Variants in GALNS observed in about 807,000 individuals in gnomAD.
GALNS encodes the protein galactosamine (N-acetyl)-6-sulfatase.
In GALNS, 65 loss-of-function variants were observed where a neutral mutation model predicts 65.9. The observed-to-expected ratio is 0.99, with a 90% CI of 0.81 to 1.21. The LOEUF (loss-of-function observed/expected upper bound fraction) is 1.21, where lower values mean the gene tolerates loss of function less well. Among genes scored for constraint, GALNS ranks in the 50% most tolerant of loss-of-function variants. The pLI is 0.00. For missense variants in GALNS, 776 were observed against 700.7 expected (o/e 1.11, Z -1.21); for synonymous variants, 346 against 288.9 (o/e 1.20, Z -2.00).
rs1181619132 is a variant in GALNS, at chr16:88,833,016, TAC to T, written c.899-917_899-916del. ...TTGCTGGAGCCCAGGAGGTCAAGGCTACAGTGAGCTGAGATCGCGCCACTGCA... is the reference window on the plus strand; with the variant it reads ...TTGCTGGAGCCCAGGAGGTCAAGGCTAGTGAGCTGAGATCGCGCCACTGCA... On this transcript the variant is annotated intron_variant, in intron 8 of 13. Coordinates refer to ENST00000268695, the MANE Select transcript of GALNS (RefSeq NM_000512.5). 2.3e-5 allele frequency among the ~76,000 whole-genome samples: 3 copies of T among 131,464 alleles called. No homozygotes were observed. The East Asian group carries it at 6.6e-4, about 29-fold the overall frequency. The allele number at this position is 131,464 out of a possible 152,430, so 86.2% of individuals were successfully genotyped here. A position where few individuals can be genotyped will look rare whatever the true frequency, so the allele number is the denominator to read the frequency against.
At chr16:88,840,871 A>AG (rs1470254675) in intron 4 of GALNS, 121 bp downstream of exon 4, 4 of 794,000 alleles carry the variant, frequency 5.0e-6, no homozygotes, top group Non-Finnish European at 8.9e-6. Flanking sequence ...ACCCAGAATC[A>AG]GCTGCCGTTT....
chr16:88,838,163 G>T (rs1912340519), intron 4 of GALNS, among the ~76,000 whole-genome samples: 1 of 152,204 alleles, frequency 6.6e-6, no homozygotes, highest in South Asian at 2.1e-4. Flanking sequence ...GAACCCAAGT[G>T]TGTCTCCTCT....
intron 12 of GALNS, among the ~76,000 whole-genome samples, chr16:88,821,134 G>T (rs1237022764): frequency 6.6e-6 from 1 of 151,956 alleles, no homozygotes; most frequent in Non-Finnish European, 1.5e-5. Flanking sequence ...CCATGAACTG[G>T]GGCTTAAAAC....
At chr16:88,816,465 C>A (rs1309347524) in intron 13 of GALNS, 4 of 985,260 alleles carry the variant, frequency 4.1e-6, no homozygotes, top group African/African-American at 1.7e-5. Flanking sequence ...CTGCCCAGGT[C>A]CCTTTGAAGG....
At position 88,814,269 on chromosome 16, in the gene GALNS, G is replaced by GCCCT; in HGVS notation, c.*169_*170insAGGG. ...GGGCGAGGAGGAGGGCCAAGCACAC[G>GCCCT]CCAGGGTCAGGTCCTGGGCAGGTGG... is the stretch of plus-strand genomic sequence containing the variant. On this transcript the variant is annotated 3_prime_UTR_variant, in exon 14 of 14. Transcript: ENST00000268695. The GCCCT allele has an allele frequency of 1.1e-6, 1 of 907,342 alleles. No homozygotes were observed. Among genetic ancestry groups the GCCCT allele is most frequent in the Non-Finnish European group, 1.7e-6 (1 of 575,788 alleles). The allele number at this position is 907,342 out of a possible 1,614,324, so 56.2% of individuals were successfully genotyped here.
At chr16:88,842,081 G>A (rs534019938) in intron 2 of GALNS, 110 bp from the exon 3 acceptor site, 64 of 981,726 alleles carry the variant, frequency 6.5e-5, no homozygotes, top group African/African-American at 5.9e-4. Context: ...CGAGGCACGC[G>A]CAGGTTTACA....
rs907970746 is a variant in GALNS, at chr16:88,855,252, A to G, written c.120+1506T>C. On this transcript the variant is annotated intron_variant, in intron 1 of 13. Transcript: ENST00000268695. ...CCCTCTGTCCTCTGAGAAAGTCAGG[A>G]AAAGCAGAAACTTAACAGGGAGGCT... The G allele has an allele frequency of 1.4e-5, 10 of 699,522 alleles. No homozygotes were observed. In the African/African-American group the frequency reaches 1.7e-4, roughly 12 times the overall value. 43.3% of individuals were successfully genotyped at this position (699,522 alleles called of 1,614,324 possible). A position where few individuals can be genotyped will look rare whatever the true frequency, so the allele number is the denominator to read the frequency against.
At chr16:88,823,691 G>A (rs1347735502) in intron 11 of GALNS, among the ~76,000 whole-genome samples, 1 of 121,212 alleles carries the variant, frequency 8.3e-6, no homozygotes, top group Non-Finnish European at 1.7e-5. Flanking sequence ...CCTCGCAGGC[G>A]GCAATGCCGG....
intron 4 of GALNS, 106 bp from the exon 5 acceptor site, chr16:88,837,871 C>T (rs1271243688): frequency 6.0e-6 from 7 of 1,174,304 alleles, no homozygotes; most frequent in East Asian, 2.4e-5. Context: ...AAGACGAGCA[C>T]CCTCCAGCAC....
At chr16:88,856,400 G>A (rs1967883872) in intron 1 of GALNS, 1 of 701,560 alleles carries the variant, frequency 1.4e-6, no homozygotes, top group Non-Finnish European at 2.6e-6. Flanking sequence ...AGTAGAGGGC[G>A]GGAAAGGTCA....
chr16:88,816,364 G>C (rs1186722155), intron 13 of GALNS: 1 of 985,334 alleles, frequency 1.0e-6, no homozygotes, highest in Non-Finnish European at 1.2e-6. Flanking sequence ...TCCACGGCTG[G>C]TGGCCCTGGG....
chr16:88,818,096 G>C lies in GALNS; in HGVS notation c.1393C>G (p.Leu465Val), dbSNP rs759071255. 5 of 1,573,540 alleles carry C rather than the reference G, an allele frequency of 3.2e-6. No homozygotes were observed. The East Asian group carries it at 1.1e-4, about 36-fold the overall frequency. Residue 465 changes from leucine to valine, a missense_variant, in exon 13 of 14, where the codon CTC becomes GTC. Physicochemically the swap from Leu to Val is conservative, Grantham distance 32 (BLOSUM62 1). Coordinates refer to ENST00000268695, the MANE Select transcript of GALNS (RefSeq NM_000512.5). ...TGGACGACCGAGGTGATCCTGCTGAGGGCCTCCTGGTACTCGGCGCTGGCA... is the reference window on the plus strand; with the variant it reads ...TGGACGACCGAGGTGATCCTGCTGACGGCCTCCTGGTACTCGGCGCTGGCA... Reference protein sequence around the residue: ...SFASAEYQEALSRITSVVQQH... With the variant: ...SFASAEYQEAVSRITSVVQQH...
In GALNS at chr16:88,837,761, G is replaced by C; in HGVS notation, c.427C>G (p.Leu143Val). ...GGGTGGAACTGGGGCCTGTGACCCAGATGCCTGGAAACAGGAACCCAGGAC... is the reference window on the plus strand; with the variant it reads ...GGGTGGAACTGGGGCCTGTGACCCACATGCCTGGAAACAGGAACCCAGGAC... ...YVSKIVGKWH[L>V]GHRPQFHPLK... Residue 143 changes from leucine (L) to valine (V), a missense_variant, in exon 5 of 14, where the codon CTG becomes GTG. Transcript: ENST00000268695. 6.2e-7 allele frequency: 1 copy of C among 1,613,968 alleles called. No homozygotes were observed. Among genetic ancestry groups the C allele is most frequent in the East Asian group, 2.2e-5 (1 of 44,884 alleles).
intron 13 of GALNS, 115 bp from the exon 14 acceptor site, chr16:88,814,640 C>A (rs934820883): frequency 6.6e-7 from 1 of 1,517,778 alleles, no homozygotes; most frequent in African/African-American, 1.4e-5. Context: ...GTCACCCAGG[C>A]TGGAGTTCAG....
chr16:88,815,539 G>A, intron 13 of GALNS: 1 of 985,460 alleles, frequency 1.0e-6, no homozygotes, highest in East Asian at 1.1e-4. Context: ...ACTTTTCCTG[G>A]CAACAGAAAG....
At chr16:88,837,890 G>T in intron 4 of GALNS, 125 bp from the exon 5 acceptor site, 1 of 974,414 alleles carries the variant, frequency 1.0e-6, no homozygotes, top group Non-Finnish European at 1.6e-6. Flanking sequence ...ACTGAGTATG[G>T]GCTATGCCTG....
At chr16:88,819,366 C>T (rs114568681) in intron 12 of GALNS, among the ~76,000 whole-genome samples, 7,088 of 152,266 alleles carry the variant, frequency 0.047, 204 homozygotes, top group Admixed American at 0.073. Flanking sequence ...TCACACAGCG[C>T]CCCTGAGCAC....
At chr16:88,855,461 C>G (rs919355925) in intron 1 of GALNS, 3 of 702,814 alleles carry the variant, frequency 4.3e-6, no homozygotes, top group East Asian at 2.7e-5. Flanking sequence ...GAGAAAGGCC[C>G]GGCTACTGCT....
At chr16:88,817,352 C>T in intron 13 of GALNS, 7 of 985,434 alleles carry the variant, frequency 7.1e-6, no homozygotes, top group Non-Finnish European at 8.4e-6. Context: ...GAGGCCGTTT[C>T]TCTACTGGAG....
Sources: allele counts gnomAD v4.1 joint callset (sites outside exome capture counted in the v4.1 genomes callset), GRCh38; gene constraint gnomAD v4.1.1; transcripts MANE v1.5; gene names NCBI Gene and HGNC (gene_info 2026-07-23, HGNC 2026-07-21).